The following CADM1 variants were observed in gnomAD, a reference collection of about 807,000 sequenced individuals.
CADM1 encodes cell adhesion molecule 1.
CADM1 carries 15 observed loss-of-function variants against 53.1 expected under a neutral mutation model. The ratio of observed to expected loss-of-function variants is 0.28; its 90% CI spans 0.19 to 0.44. The LOEUF (loss-of-function observed/expected upper bound fraction) is 0.44, where lower values mean the gene tolerates loss of function less well. Among genes scored for constraint, CADM1 ranks in the 20% least tolerant of loss-of-function variants. CADM1 has a pLI of 1.00. For missense variants in CADM1, 434 were observed against 611.3 expected, an observed-to-expected ratio of 0.71 and a Z score of 3.06; for synonymous variants, 281 against 243.0, an observed-to-expected ratio of 1.16 and a Z score of -1.45.
chr11:115,271,906 A>G (rs1020690984), intron 1 of CADM1, among the ~76,000 whole-genome samples: 2 of 152,200 alleles, frequency 1.3e-5, no homozygotes, highest in Non-Finnish European at 2.9e-5. Context: ...TAGATTTTGT[A>G]TGTATTCAAC....
intron 1 of CADM1, among the ~76,000 whole-genome samples, chr11:115,405,705 A>T (rs1947295557): frequency 6.6e-6 from 1 of 152,236 alleles, no homozygotes; most frequent in Non-Finnish European, 1.5e-5. Flanking sequence ...TGAAGGTAAA[A>T]AGCAAATTTC....
intron 1 of CADM1, among the ~76,000 whole-genome samples, chr11:115,456,722 A>C (rs1565437261): frequency 6.6e-6 from 1 of 152,172 alleles, no homozygotes; most frequent in African/African-American, 2.4e-5. Flanking sequence ...TAGAGACAGT[A>C]ATCCCTGTCT....
chr11:115,460,784 A>G (rs893268134), intron 1 of CADM1, among the ~76,000 whole-genome samples: 18 of 114,182 alleles, frequency 1.6e-4, no homozygotes, highest in Non-Finnish European at 3.0e-4. Flanking sequence ...AGAAAGAAAG[A>G]AAAAAAAAAA....
intron 1 of CADM1, among the ~76,000 whole-genome samples, chr11:115,278,128 A>T (rs1943492565): frequency 6.6e-6 from 1 of 152,182 alleles, no homozygotes; most frequent in Non-Finnish European, 1.5e-5. Flanking sequence ...ATTATGTTGC[A>T]TAGAAGTGAT....
chr11:115,218,691 T>G (rs1336469549), intron 5 of CADM1, among the ~76,000 whole-genome samples: 2 of 152,254 alleles, frequency 1.3e-5, no homozygotes, highest in East Asian at 3.9e-4. Context: ...GCCCCATAAG[T>G]GTATGTTGGG....
At chr11:115,239,369 A>T (rs1942135156) in intron 2 of CADM1, among the ~76,000 whole-genome samples, 1 of 152,180 alleles carries the variant, frequency 6.6e-6, no homozygotes, top group African/African-American at 2.4e-5. Flanking sequence ...TCCTAAGTAC[A>T]TTTGGCTTCA....
chr11:115,497,521 C>T (rs1250256578), intron 1 of CADM1, among the ~76,000 whole-genome samples: 1 of 152,114 alleles, frequency 6.6e-6, no homozygotes. Context: ...AGTTCAAGGC[C>T]AACTGCACCA....
intron 10 of CADM1, among the ~76,000 whole-genome samples, chr11:115,183,618 A>T (rs774683977): frequency 6.6e-6 from 1 of 152,172 alleles, no homozygotes; most frequent in Non-Finnish European, 1.5e-5. Flanking sequence ...TCTACCTCTG[A>T]GAAGGAGTGA....
At chr11:115,454,201 TA>T (rs958691885) in intron 1 of CADM1, among the ~76,000 whole-genome samples, 11 of 151,518 alleles carry the variant, frequency 7.3e-5, no homozygotes, top group South Asian at 4.2e-4. Context: ...TCTTGCAGCA[TA>T]AAAAAAAAGT....
chr11:115,375,662 A>G (rs1228581946), intron 1 of CADM1, among the ~76,000 whole-genome samples: 1 of 152,198 alleles, frequency 6.6e-6, no homozygotes, highest in Non-Finnish European at 1.5e-5. Context: ...TGTGTTGTTA[A>G]AGTTGTAGTC....
intron 1 of CADM1, among the ~76,000 whole-genome samples, chr11:115,398,721 A>G (rs1403543225): frequency 6.6e-6 from 1 of 152,216 alleles, no homozygotes; most frequent in African/African-American, 2.4e-5. Flanking sequence ...CAGGGATTCC[A>G]CTAAGGCCAC....
chr11:115,224,040 A>G (rs1009378685), intron 5 of CADM1, among the ~76,000 whole-genome samples: 5 of 151,554 alleles, frequency 3.3e-5, no homozygotes, highest in Admixed American at 1.3e-4. Flanking sequence ...AACGCCAGCT[A>G]TTATGCTCTG....
At chr11:115,259,192 G>A (rs1388297880) in intron 1 of CADM1, among the ~76,000 whole-genome samples, 1 of 151,294 alleles carries the variant, frequency 6.6e-6, no homozygotes, top group African/African-American at 2.4e-5. Context: ...CACAATGTTG[G>A]CCAGGCTGGT....
At chr11:115,341,418 C>T (rs763660041) in intron 1 of CADM1, among the ~76,000 whole-genome samples, 3 of 152,124 alleles carry the variant, frequency 2.0e-5, no homozygotes, top group Non-Finnish European at 4.4e-5. Flanking sequence ...GATATTTATT[C>T]TACCTGCAGA....
In CADM1 at chr11:115,171,483, A is replaced by T. The variant is rs1938788965; in HGVS notation, c.*4991T>A. On this transcript the variant is annotated 3_prime_UTR_variant, in exon 12 of 12. Coordinates refer to ENST00000331581, the MANE Select transcript of CADM1 (RefSeq NM_001301043.2). ...AGGGTTCCAGTTGATGTATTTGGAG[A>T]ATGCCAGGCCAAAACATTTGTGAAA... is the stretch of plus-strand genomic sequence containing the variant. 1 of 152,204 alleles carries T rather than the reference A, an allele frequency of 6.6e-6. No homozygotes were observed. The highest frequency in any genetic ancestry group is 1.5e-5 in the Non-Finnish European group (1 of 68,032). The allele number at this position is 152,204 out of a possible 1,614,324, so 9.4% of individuals were successfully genotyped here.
At chr11:115,179,582 A>C (rs1939212563) in intron 10 of CADM1, among the ~76,000 whole-genome samples, 1 of 152,224 alleles carries the variant, frequency 6.6e-6, no homozygotes. Flanking sequence ...TGGCAGTGTA[A>C]ACAATTTTAA....
At chr11:115,477,628 C>T (rs182474735) in intron 1 of CADM1, among the ~76,000 whole-genome samples, 36 of 152,344 alleles carry the variant, frequency 2.4e-4, no homozygotes, top group Non-Finnish European at 2.9e-4. Flanking sequence ...ATTTCTGCTC[C>T]ACTCTGTGTG....
intron 1 of CADM1, among the ~76,000 whole-genome samples, chr11:115,271,704 T>C (rs942070793): frequency 7.9e-5 from 12 of 152,240 alleles, no homozygotes; most frequent in Admixed American, 5.9e-4. Context: ...AGGTAGAAAT[T>C]CTCAAGAGAG....
chr11:115,291,994 A>G (rs1429315188), intron 1 of CADM1, among the ~76,000 whole-genome samples: 1 of 152,226 alleles, frequency 6.6e-6, no homozygotes, highest in Non-Finnish European at 1.5e-5. Flanking sequence ...AGTAATTGGT[A>G]TATTGGGAAC....
Sources: gnomAD v4.1 joint callset for allele counts (sites outside exome capture counted in the v4.1 genomes callset) on GRCh38, gnomAD v4.1.1 for gene constraint, MANE v1.5 for transcripts, NCBI Gene and HGNC (gene_info 2026-07-23, HGNC 2026-07-21) for gene names.